Variants in TENM3 observed in about 807,000 individuals in gnomAD.
TENM3 encodes the protein teneurin transmembrane protein 3.
Under a neutral mutation model 255.1 loss-of-function variants are expected in TENM3, and 63 were observed. The observed-to-expected ratio is 0.25, with a 90% CI of 0.20 to 0.30. The LOEUF is 0.30. TENM3 is among the 10% of genes least tolerant of loss of function. The pLI is 1.00. For missense variants in TENM3, 2,929 were observed against 3,461.1 expected (o/e 0.85, Z 3.86); for synonymous variants, 1,306 against 1,322.3 (o/e 0.99, Z 0.27).
the TENM3 span, among the ~76,000 whole-genome samples, chr4:181,756,283 G>GA: frequency 2.0e-5 from 3 of 152,070 alleles, no homozygotes; most frequent in African/African-American, 7.2e-5. Flanking sequence ...GCATAAATAG[G>GA]AAAAAAAGCA....
chr4:181,944,395 C>G, the TENM3 span, among the ~76,000 whole-genome samples: 169 of 149,854 alleles, frequency 1.1e-3, no homozygotes, highest in African/African-American at 4.0e-3. Flanking sequence ...TCTATGTTGG[C>G]CCTCAGCGAA....
At chr4:182,127,918 CATT>C in the TENM3 span, among the ~76,000 whole-genome samples, 3 of 151,884 alleles carry the variant, frequency 2.0e-5, no homozygotes, top group Non-Finnish European at 4.4e-5. Context: ...CAAATTTAGA[CATT>C]AAGAGAATTA....
At chr4:181,714,307 T>A in the TENM3 span, among the ~76,000 whole-genome samples, 1 of 152,108 alleles carries the variant, frequency 6.6e-6, no homozygotes, top group Non-Finnish European at 1.5e-5. Flanking sequence ...CTGGGTGTGG[T>A]GGCACATGCC....
the TENM3 span, among the ~76,000 whole-genome samples, chr4:182,107,151 T>TACACAC: frequency 2.3e-3 from 340 of 146,054 alleles, 2 homozygotes; most frequent in Middle Eastern, 0.014. Context: ...AAACAGAACA[T>TACACAC]ACACACACAC....
At chr4:181,564,322 C>A in the TENM3 span, among the ~76,000 whole-genome samples, 2 of 152,144 alleles carry the variant, frequency 1.3e-5, no homozygotes, top group Non-Finnish European at 2.9e-5. Flanking sequence ...GGTTACTAAA[C>A]ACACGACTAA....
chr4:181,572,912 G>A, the TENM3 span, among the ~76,000 whole-genome samples: 1 of 151,996 alleles, frequency 6.6e-6, no homozygotes, highest in Non-Finnish European at 1.5e-5. Flanking sequence ...CTAGCCCCTG[G>A]TAACCATCCT....
chr4:181,717,624 T>C, the TENM3 span, among the ~76,000 whole-genome samples: 1 of 152,358 alleles, frequency 6.6e-6, no homozygotes, highest in East Asian at 1.9e-4. Flanking sequence ...CTGTCTGAGA[T>C]GGTTAGAGAA....
intron 3 of TENM3, among the ~76,000 whole-genome samples, chr4:182,440,728 G>C (rs1395310486): frequency 2.0e-5 from 3 of 152,102 alleles, no homozygotes; most frequent in African/African-American, 7.2e-5. Flanking sequence ...TTAAGTATAT[G>C]AAAGGTCCTT....
the TENM3 span, among the ~76,000 whole-genome samples, chr4:181,963,936 C>T: frequency 3.9e-5 from 6 of 152,224 alleles, no homozygotes; most frequent in African/African-American, 1.4e-4. Context: ...CCAACTCCCT[C>T]TTCTGTTATG....
At chr4:182,111,768 G>C in the TENM3 span, among the ~76,000 whole-genome samples, 43 of 152,298 alleles carry the variant, frequency 2.8e-4, 1 homozygote, top group African/African-American at 9.4e-4. Flanking sequence ...CAGGCTGGAG[G>C]ATCCAAGCTC....
At chr4:181,877,754 C>T in the TENM3 span, among the ~76,000 whole-genome samples, 1 of 152,144 alleles carries the variant, frequency 6.6e-6, no homozygotes, top group Non-Finnish European at 1.5e-5. Context: ...AAGAAGGGTG[C>T]CAGCCCTTCC....
the TENM3 span, among the ~76,000 whole-genome samples, chr4:181,642,133 C>T: frequency 6.6e-6 from 1 of 151,724 alleles, no homozygotes; most frequent in East Asian, 1.9e-4. Flanking sequence ...TCCAGCACCT[C>T]TTGTTTCCTG....
chr4:182,062,815 TC>T, the TENM3 span, among the ~76,000 whole-genome samples: 1 of 152,254 alleles, frequency 6.6e-6, no homozygotes, highest in Non-Finnish European at 1.5e-5. Context: ...TAGTATGAAC[TC>T]TGTGAAAGGA....
the TENM3 span, among the ~76,000 whole-genome samples, chr4:182,012,136 G>C: frequency 5.9e-5 from 9 of 152,178 alleles, no homozygotes; most frequent in Admixed American, 3.9e-4. Context: ...TCTCCACTGT[G>C]TCCTGTCTGA....
intron 16 of TENM3, among the ~76,000 whole-genome samples, chr4:182,735,771 T>G (rs1761115602): frequency 6.6e-6 from 1 of 152,210 alleles, no homozygotes; most frequent in Non-Finnish European, 1.5e-5. Context: ...GGAGCATTGG[T>G]AAAGAGAATC....
At chr4:182,215,647 T>G (rs1182516143) in intron 1 of TENM3, among the ~76,000 whole-genome samples, 1 of 152,138 alleles carries the variant, frequency 6.6e-6, no homozygotes, top group Non-Finnish European at 1.5e-5. Flanking sequence ...AATCTATGGA[T>G]TCTATAAGGC....
Position 182,662,173 on chromosome 4 carries a change from T to C in TENM3, c.1111+8280T>C, listed in dbSNP as rs894857458. Among the ~76,000 whole-genome samples the C allele has an allele frequency of 3.3e-5, 5 of 152,202 alleles. No homozygotes were observed. The South Asian group carries it at 1.0e-3, about 32-fold the overall frequency. Reference sequence around the variant, plus strand: ...GATGTGTTTTCATATGAACTGGGTATCACATAAGAAGGAGAGGAATAACAA... The same window carrying C: ...GATGTGTTTTCATATGAACTGGGTACCACATAAGAAGGAGAGGAATAACAA... On this transcript the variant is annotated intron_variant, in intron 6 of 27. Coordinates refer to ENST00000511685, the MANE Select transcript of TENM3 (RefSeq NM_001080477.4).
At chr4:181,906,883 A>AT in the TENM3 span, among the ~76,000 whole-genome samples, 1 of 151,544 alleles carries the variant, frequency 6.6e-6, no homozygotes, top group African/African-American at 2.4e-5. Flanking sequence ...TCACCTTTTT[A>AT]TTTTTTATTT....
At chr4:181,685,243 C>A in the TENM3 span, among the ~76,000 whole-genome samples, 1 of 152,058 alleles carries the variant, frequency 6.6e-6, no homozygotes, top group African/African-American at 2.4e-5. Flanking sequence ...ATATTTTGCT[C>A]ATTTAGTCCT....
Sources: allele counts gnomAD v4.1 joint callset (sites outside exome capture counted in the v4.1 genomes callset), GRCh38; gene constraint gnomAD v4.1.1; transcripts MANE v1.5; gene names NCBI Gene and HGNC (gene_info 2026-07-23, HGNC 2026-07-21).